The following DOCK8 variants were observed in gnomAD, a reference collection of about 807,000 sequenced individuals.
The protein encoded by DOCK8 is dedicator of cytokinesis protein 8.
Under a neutral mutation model 245.6 loss-of-function variants are expected in DOCK8, and 141 were observed. That is an observed-to-expected ratio of 0.57 (90% CI 0.50 to 0.66). DOCK8 has a LOEUF of 0.66. DOCK8 is among the 30% of genes least tolerant of loss of function. The pLI is 0.00. For synonymous variants in DOCK8, 1,168 were observed against 970.2 expected (o/e 1.20, Z -3.79); for missense variants, 2,965 against 2,603.4 (o/e 1.14, Z -3.02).
intron 12 of DOCK8, among the ~76,000 whole-genome samples, chr9:336,945 C>T (rs2051339850): frequency 6.6e-6 from 1 of 152,136 alleles, no homozygotes; most frequent in African/African-American, 2.4e-5. Context: ...GTTGAGGGCC[C>T]ACCCTTGGTG....
At chr9:393,768 A>T (rs1404290691) in intron 24 of DOCK8, among the ~76,000 whole-genome samples, 9 of 152,182 alleles carry the variant, frequency 5.9e-5, no homozygotes, top group Non-Finnish European at 1.0e-4. Context: ...CACCAGTTCT[A>T]CCAGCAGCCT....
At position 414,803 on chromosome 9, in the gene DOCK8, A is replaced by G. The variant is rs1441503993; in HGVS notation, c.3552A>G (p.Lys1184=). The stretch of plus-strand genomic sequence containing the variant: ...ACAGAATCAGCAAAGTACAAAGGAA[A>G]GCTGTCAGTGCAATTCACAGCCTGC... ...EGEGISKVQR[K]AVSAIHSLLS... Residue 1184 remains lysine (K), a synonymous_variant, in exon 29 of 48, where the codon AAA becomes AAG. Coordinates refer to ENST00000432829, the MANE Select transcript of DOCK8 (RefSeq NM_203447.4). 6.2e-7 allele frequency: 1 copy of G among 1,614,126 alleles called. No individual in the cohort carries two copies. Among genetic ancestry groups the G allele is most frequent in the African/African-American group, 1.3e-5 (1 of 74,942 alleles).
chr9:283,006 G>A (rs1368863618), intron 2 of DOCK8, among the ~76,000 whole-genome samples: 13 of 152,068 alleles, frequency 8.5e-5, no homozygotes, highest in Admixed American at 8.5e-4. Context: ...GAACGTGTGG[G>A]TCCTGGTAAA....
At chr9:263,790 T>C (rs2047976623) in intron 1 of DOCK8, among the ~76,000 whole-genome samples, 5 of 152,240 alleles carry the variant, frequency 3.3e-5, no homozygotes. Flanking sequence ...TTTGTGGATT[T>C]CACTTTTTCA....
At chr9:267,157 A>C (rs1482777214) in intron 1 of DOCK8, among the ~76,000 whole-genome samples, 1 of 152,196 alleles carries the variant, frequency 6.6e-6, no homozygotes, top group Non-Finnish European at 1.5e-5. Context: ...TAAACATCCC[A>C]AGTAGTACGC....
At chr9:335,557 A>G (rs2051269785) in intron 11 of DOCK8, among the ~76,000 whole-genome samples, 1 of 152,120 alleles carries the variant, frequency 6.6e-6, no homozygotes, top group African/African-American at 2.4e-5. Flanking sequence ...AACAAACCTC[A>G]CTTTACCACA....
At chr9:425,246 T>C in intron 33 of DOCK8, among the ~76,000 whole-genome samples, 1 of 152,118 alleles carries the variant, frequency 6.6e-6, no homozygotes, top group East Asian at 1.9e-4. Flanking sequence ...AAAAGGATGA[T>C]AAGGGGCCGG....
chr9:295,402 G>A (rs1253223996), intron 4 of DOCK8, among the ~76,000 whole-genome samples: 1 of 152,042 alleles, frequency 6.6e-6, no homozygotes, highest in African/African-American at 2.4e-5. Context: ...ATCAATTCCA[G>A]TTATCCCAAT....
At chr9:307,329 G>GTTTTTTTTTTTT (rs1210792510) in intron 5 of DOCK8, among the ~76,000 whole-genome samples, 1 of 75,142 alleles carries the variant, frequency 1.3e-5, no homozygotes, top group African/African-American at 4.9e-5. Context: ...GTTGTGTGTG[G>GTTTTTTTTTTTT]TTTTTTTTGT....
chr9:332,873 C>T, intron 10 of DOCK8, among the ~76,000 whole-genome samples: 1 of 151,900 alleles, frequency 6.6e-6, no homozygotes, highest in East Asian at 1.9e-4. Flanking sequence ...GCCCAGGCTG[C>T]TCTCATAATT....
chr9:310,140 G>T (rs1289952866), intron 5 of DOCK8, among the ~76,000 whole-genome samples: 1 of 152,036 alleles, frequency 6.6e-6, no homozygotes, highest in Non-Finnish European at 1.5e-5. Flanking sequence ...GGTGGCGCGT[G>T]CCTGTAATCC....
chr9:333,966 A>C (rs969392323), intron 10 of DOCK8, among the ~76,000 whole-genome samples: 1 of 152,196 alleles, frequency 6.6e-6, no homozygotes, highest in Non-Finnish European at 1.5e-5. Context: ...TGTTTTCGTT[A>C]GCTAAAAATG....
chr9:367,882 A>G (rs974210284), intron 14 of DOCK8, 136 bp from the exon 15 acceptor site: 4 of 711,288 alleles, frequency 5.6e-6, no homozygotes, highest in Admixed American at 2.2e-5. Context: ...ACTCCCCCCA[A>G]TAATAATTCA....
Position 458,990 on chromosome 9 carries a change from G to A in DOCK8, c.6069-4527G>A, listed in dbSNP as rs114763963. ...TCTAATCCCTATCAATCTGGTTTCT[G>A]TAGAACTGTGACTGCTAGAAAACCC... On this transcript the variant is annotated intron_variant, in intron 46 of 47. Transcript: ENST00000432829. Among the ~76,000 whole-genome samples, 484 of 152,278 alleles carry A rather than the reference G, an allele frequency of 3.2e-3. 3 individuals are homozygous for A. Among genetic ancestry groups the A allele is most frequent in the South Asian group, 0.016 (78 of 4,820 alleles).
intron 31 of DOCK8, 103 bp from the exon 32 acceptor site, chr9:420,846 T>C: frequency 3.3e-6 from 5 of 1,512,198 alleles, no homozygotes; most frequent in Non-Finnish European, 4.6e-6. Context: ...GAAGCACATG[T>C]CAAACTTAGC....
At chr9:451,977 A>ATTT (rs35071801) in intron 45 of DOCK8, 34 bp from the exon 46 acceptor site, 18 of 184,508 alleles carry the variant, frequency 9.8e-5, no homozygotes, top group Admixed American at 1.7e-4. Flanking sequence ...ATATATATAT[A>ATTT]TTTTTTTTTT....
chr9:444,571 T>G (rs1644686178), intron 43 of DOCK8, among the ~76,000 whole-genome samples: 1 of 152,092 alleles, frequency 6.6e-6, no homozygotes, highest in Admixed American at 6.6e-5. Context: ...TTGTTGGGGT[T>G]TCATTATGTA....
intron 6 of DOCK8, among the ~76,000 whole-genome samples, chr9:315,412 A>G (rs978746545): frequency 5.9e-5 from 9 of 152,188 alleles, no homozygotes; most frequent in Non-Finnish European, 1.2e-4. Flanking sequence ...ATATCACCCA[A>G]ATGTCATATG....
intron 1 of DOCK8, among the ~76,000 whole-genome samples, chr9:216,395 G>C (rs1052232124): frequency 6.6e-6 from 1 of 151,920 alleles, no homozygotes; most frequent in East Asian, 1.9e-4. Context: ...CATTAGCCAG[G>C]TGTGGTTGCA....
Sources: allele counts gnomAD v4.1 joint callset (sites outside exome capture counted in the v4.1 genomes callset), GRCh38; gene constraint gnomAD v4.1.1; transcripts MANE v1.5; gene names NCBI Gene and HGNC (gene_info 2026-07-23, HGNC 2026-07-21).